The following DMXL2 variants were observed in gnomAD, a reference collection of about 807,000 sequenced individuals.
DMXL2 encodes Dmx like 2.
A neutral mutation model predicts 331.1 loss-of-function variants in DMXL2; 103 were observed. The ratio of observed to expected loss-of-function variants is 0.31; its 90% confidence interval spans 0.27 to 0.37. DMXL2 has a LOEUF of 0.37. Among genes scored for constraint, DMXL2 ranks in the 10% least tolerant of loss-of-function variants. The probability of loss-of-function intolerance (pLI) is 1.00; values close to 1 mark genes in which losing one functional copy is unlikely to be tolerated. For synonymous variants in DMXL2, 1,281 were observed against 1,252.1 expected, an observed-to-expected ratio of 1.02 and a Z score of -0.49; for missense variants, 3,171 against 3,642.9, an observed-to-expected ratio of 0.87 and a Z score of 3.33.
chr15:51,556,360 A>T (rs947006047), intron 6 of DMXL2, among the ~76,000 whole-genome samples: 2 of 151,212 alleles, frequency 1.3e-5, no homozygotes, highest in African/African-American at 4.9e-5. Flanking sequence ...AAAAAGAAAA[A>T]AAAAAAAAAA....
At chr15:51,484,669 T>C (rs1317765078) in intron 23 of DMXL2, among the ~76,000 whole-genome samples, 1 of 152,026 alleles carries the variant, frequency 6.6e-6, no homozygotes, top group Non-Finnish European at 1.5e-5. Flanking sequence ...CAAGGAAATA[T>C]GACACCAAAG....
At chr15:51,547,161 A>T in intron 7 of DMXL2, 69 bp downstream of exon 7, 1 of 1,344,614 alleles carries the variant, frequency 7.4e-7, no homozygotes, top group Middle Eastern at 1.9e-4. Context: ...AAATAAAAGG[A>T]CTTTATTTTC....
At chr15:51,619,532 G>A (rs2054500136) in intron 1 of DMXL2, among the ~76,000 whole-genome samples, 1 of 152,164 alleles carries the variant, frequency 6.6e-6, no homozygotes, top group Non-Finnish European at 1.5e-5. Context: ...GGGACATCAC[G>A]ACATCAAGTA....
intron 16 of DMXL2, among the ~76,000 whole-genome samples, chr15:51,505,415 G>A (rs1418016524): frequency 1.3e-5 from 2 of 152,262 alleles, no homozygotes; most frequent in African/African-American, 2.4e-5. Context: ...CATGGTTCCT[G>A]TCCTCCCACA....
At position 51,481,637 on chromosome 15, in the gene DMXL2, A is replaced by G; in HGVS notation, c.5483-14T>C. On this transcript the variant is annotated splice_polypyrimidine_tract_variant and intron_variant, in intron 23 of 43. Transcript: ENST00000560891. ...ACTTGATGATAACTATAGAAATCAAACAGATAAAATCACAAAGCATTGTGT... is the reference window on the plus strand; with the variant it reads ...ACTTGATGATAACTATAGAAATCAAGCAGATAAAATCACAAAGCATTGTGT... The G allele has an allele frequency of 6.6e-7, 1 of 1,520,804 alleles. No individual in the cohort carries two copies. The highest frequency in any genetic ancestry group is 8.8e-7 in the Non-Finnish European group (1 of 1,135,796). 94.2% of individuals were successfully genotyped at this position (1,520,804 alleles called of 1,614,324 possible).
At chr15:51,545,505 T>C (rs2048839793) in intron 8 of DMXL2, 78 bp downstream of exon 8, 3 of 1,277,594 alleles carry the variant, frequency 2.3e-6, no homozygotes, top group Admixed American at 3.7e-5. Flanking sequence ...ATGTGTGCCA[T>C]CTGCATGTTA....
At chr15:51,563,677 G>T (rs1266502765) in intron 5 of DMXL2, among the ~76,000 whole-genome samples, 2 of 152,056 alleles carry the variant, frequency 1.3e-5, no homozygotes, top group African/African-American at 2.4e-5. Flanking sequence ...CATGAATACA[G>T]TATATCTCCA....
At chr15:51,573,392 C>G (rs2050799458) in intron 2 of DMXL2, among the ~76,000 whole-genome samples, 1 of 152,160 alleles carries the variant, frequency 6.6e-6, no homozygotes, top group Non-Finnish European at 1.5e-5. Context: ...AAGACACATG[C>G]ACATGTATGT....
At chr15:51,595,946 A>T (rs1034267782) in intron 1 of DMXL2, among the ~76,000 whole-genome samples, 1 of 152,234 alleles carries the variant, frequency 6.6e-6, no homozygotes, top group Non-Finnish European at 1.5e-5. Flanking sequence ...CTTAAATGTT[A>T]GACCTAAAAC....
intron 14 of DMXL2, among the ~76,000 whole-genome samples, chr15:51,515,186 A>C (rs918300458): frequency 6.6e-6 from 1 of 152,170 alleles, no homozygotes; most frequent in African/African-American, 2.4e-5. Flanking sequence ...GCTATGCTCC[A>C]TGACCATGTT....
At chr15:51,605,688 C>A (rs1255923029) in intron 1 of DMXL2, among the ~76,000 whole-genome samples, 1 of 101,212 alleles carries the variant, frequency 9.9e-6, no homozygotes, top group African/African-American at 3.3e-5. Flanking sequence ...GGACTACAGG[C>A]GCCCGCCACC....
chr15:51,569,149 G>A (rs554247940), intron 2 of DMXL2, among the ~76,000 whole-genome samples: 5 of 152,258 alleles, frequency 3.3e-5, no homozygotes, highest in South Asian at 2.1e-4. Flanking sequence ...CTGGTTCAGC[G>A]GGTCCCACCC....
chr15:51,592,186 G>A (rs1297274178), intron 1 of DMXL2, among the ~76,000 whole-genome samples: 3 of 151,974 alleles, frequency 2.0e-5, no homozygotes, highest in South Asian at 4.2e-4. Flanking sequence ...ATAGACGAAT[G>A]GCTAACTAGA....
chr15:51,495,724 C>A (rs1287138665), intron 18 of DMXL2, among the ~76,000 whole-genome samples: 1 of 151,670 alleles, frequency 6.6e-6, no homozygotes, highest in Admixed American at 6.6e-5. Context: ...GTATGGCAAG[C>A]GTAACCAAAA....
chr15:51,563,982 G>T, intron 5 of DMXL2, 143 bp downstream of exon 5: 1 of 764,286 alleles, frequency 1.3e-6, no homozygotes, highest in Non-Finnish European at 2.1e-6. Context: ...CTATTATATG[G>T]GTTTTGGTTA....
chr15:51,477,746 A>G (rs957679378), intron 26 of DMXL2, among the ~76,000 whole-genome samples: 2 of 152,084 alleles, frequency 1.3e-5, no homozygotes, highest in African/African-American at 4.8e-5. Flanking sequence ...AGTACACACT[A>G]ATGAAGGCAA....
At chr15:51,545,875 G>T in intron 7 of DMXL2, 109 bp from the exon 8 acceptor site, 4 of 802,958 alleles carry the variant, frequency 5.0e-6, no homozygotes, top group South Asian at 4.5e-5. Context: ...AAACACTATG[G>T]AAAAAAGGAA....
chr15:51,573,218 G>A (rs922044205), intron 2 of DMXL2, among the ~76,000 whole-genome samples: 1 of 152,224 alleles, frequency 6.6e-6, no homozygotes, highest in South Asian at 2.1e-4. Context: ...AGGATGTGGA[G>A]AAATAGGAAC....
intron 15 of DMXL2, among the ~76,000 whole-genome samples, chr15:51,513,442 TAAG>T (rs1034011813): frequency 6.6e-6 from 1 of 152,084 alleles, no homozygotes; most frequent in Non-Finnish European, 1.5e-5. Context: ...ATAACACAAA[TAAG>T]AAAAGTTTTG....
Sources: gnomAD v4.1 joint callset for allele counts (sites outside exome capture counted in the v4.1 genomes callset) on GRCh38, gnomAD v4.1.1 for gene constraint, MANE v1.5 for transcripts, NCBI Gene and HGNC (gene_info 2026-07-23, HGNC 2026-07-21) for gene names.